Variants in ARPC1A observed in about 807,000 individuals in gnomAD.
ARPC1A encodes the protein actin related protein 2/3 complex subunit 1A.
In ARPC1A, 8 loss-of-function variants were observed where a neutral mutation model predicts 46.9. The ratio of observed to expected loss-of-function variants is 0.17; its 90% CI spans 0.10 to 0.31. The LOEUF is 0.31. ARPC1A is among the 10% of genes least tolerant of loss of function. ARPC1A has a pLI of 1.00. For synonymous variants in ARPC1A, 152 were observed against 169.0 expected, an observed-to-expected ratio of 0.90 and a Z score of 0.78; for missense variants, 286 against 483.6, an observed-to-expected ratio of 0.59 and a Z score of 3.83.
At position 99,344,521 on chromosome 7, in the gene ARPC1A, T is replaced by A; in HGVS notation, c.392+6T>A. On this transcript the variant is annotated splice_donor_region_variant and intron_variant, in intron 4 of 9. Coordinates refer to ENST00000262942, the MANE Select transcript of ARPC1A (RefSeq NM_006409.4). ...TTTGAGTCTGAAAATGACTGGTGAG[T>A]GACATCTGAATTTTTTCTATCCCTC... 1 of 1,613,638 alleles carries A rather than the reference T, an allele frequency of 6.2e-7. No homozygotes were observed. The highest frequency in any genetic ancestry group is 8.5e-7 in the Non-Finnish European group (1 of 1,179,624).
chr7:99,363,300 T>G (rs1354881723), intron 8 of ARPC1A, among the ~76,000 whole-genome samples: 4 of 152,138 alleles, frequency 2.6e-5, no homozygotes, highest in Non-Finnish European at 5.9e-5. Flanking sequence ...CATTTCCTGG[T>G]GGAGCGTGGT....
At chr7:99,349,093 C>T in intron 5 of ARPC1A, 134 bp downstream of exon 5, 1 of 859,986 alleles carries the variant, frequency 1.2e-6, no homozygotes, top group Non-Finnish European at 1.8e-6. Flanking sequence ...CACTCTCACC[C>T]AGGCTGGAGT....
In ARPC1A at chr7:99,349,311, C is replaced by T. The variant is rs1397648335; in HGVS notation, c.500+352C>T. Among the ~76,000 whole-genome samples, 3 of 152,198 alleles carry T rather than the reference C, an allele frequency of 2.0e-5. No homozygotes were observed. In the East Asian group the frequency reaches 5.9e-4, roughly 30 times the overall value. The stretch of plus-strand genomic sequence containing the variant: ...CTCCTGGCCTCAAGTGATCCTCCCT[C>T]CTTGGCCTCCTGAAGTGCTGGGATT... On this transcript the variant is annotated intron_variant, in intron 5 of 9. Transcript: ENST00000262942.
intron 7 of ARPC1A, among the ~76,000 whole-genome samples, chr7:99,359,215 C>G (rs1793695229): frequency 6.6e-6 from 1 of 151,298 alleles, no homozygotes; most frequent in South Asian, 2.1e-4. Context: ...GCGGGTGGTT[C>G]ACTTGAGGTC....
chr7:99,337,851 T>G (rs1793282293), intron 2 of ARPC1A, among the ~76,000 whole-genome samples: 1 of 152,174 alleles, frequency 6.6e-6, no homozygotes. Flanking sequence ...AATGAAACTG[T>G]CAAACATTTT....
At position 99,348,892 on chromosome 7, in the gene ARPC1A, G is replaced by A. The variant is rs139328388; in HGVS notation, c.433G>A (p.Val145Ile). The change falls in exon 5 of 10, where the codon GTC becomes ATC. Residue 145 changes from valine to isoleucine, a missense_variant. By Grantham distance (29) the Val-to-Ile change is conservative. Transcript: ENST00000262942. The stretch of plus-strand genomic sequence containing the variant: ...CATTAAAAAGCCGATTCGCTCCACA[G>A]TCCTCAGCTTGGATTGGCATCCCAA... Reference protein sequence around the residue: ...KHIKKPIRSTVLSLDWHPNNV... With the variant: ...KHIKKPIRSTILSLDWHPNNV... 11 of 1,614,120 alleles carry A rather than the reference G, an allele frequency of 6.8e-6. No homozygotes were observed. Among genetic ancestry groups the A allele is most frequent in the Non-Finnish European group, 9.3e-6 (11 of 1,180,012 alleles).
chr7:99,338,447 G>A lies in ARPC1A; in HGVS notation c.169+162G>A, dbSNP rs546783470. Among the ~76,000 whole-genome samples the A allele has an allele frequency of 9.2e-4, 130 of 141,578 alleles. 1 individual carries two copies. The highest frequency in any genetic ancestry group is 3.4e-3 in the African/African-American group (124 of 36,242). 92.9% of individuals were successfully genotyped at this position (141,578 alleles called of 152,430 possible). On this transcript the variant is annotated intron_variant, in intron 3 of 9. Coordinates refer to ENST00000262942, the MANE Select transcript of ARPC1A (RefSeq NM_006409.4). The stretch of plus-strand genomic sequence containing the variant: ...TTCGCCCAGGCTGGACTGCAATGGC[G>A]CAATCTCGGCTCACTGCAACCTCCA...
intron 2 of ARPC1A, among the ~76,000 whole-genome samples, chr7:99,335,681 G>A (rs994332488): frequency 6.6e-6 from 1 of 152,096 alleles, no homozygotes; most frequent in Non-Finnish European, 1.5e-5. Flanking sequence ...AGGGCTGGGC[G>A]TGGTGGCTCA....
intron 1 of ARPC1A, among the ~76,000 whole-genome samples, chr7:99,329,878 T>C (rs541171401): frequency 6.6e-6 from 1 of 152,348 alleles, no homozygotes; most frequent in East Asian, 1.9e-4. Context: ...CCGATTTTAT[T>C]TTTAGTTAAC....
At chr7:99,352,161 T>TGGAG (rs1193133048) in intron 5 of ARPC1A, among the ~76,000 whole-genome samples, 1 of 152,158 alleles carries the variant, frequency 6.6e-6, no homozygotes, top group Non-Finnish European at 1.5e-5. Context: ...GCAGGCTTCC[T>TGGAG]GGAGTACTGT....
chr7:99,356,900 AAAAAAAAGAAAG>A (rs1458008093), intron 6 of ARPC1A, among the ~76,000 whole-genome samples: 4 of 152,044 alleles, frequency 2.6e-5, no homozygotes, highest in Non-Finnish European at 5.9e-5. Context: ...ACTCCATCTC[AAAAAAAAGAAAG>A]AAAAAAAGAA....
chr7:99,353,112 G>T (rs867496355), intron 5 of ARPC1A, among the ~76,000 whole-genome samples: 260 of 107,468 alleles, frequency 2.4e-3, no homozygotes, highest in African/African-American at 3.6e-3. Flanking sequence ...GTTTAGTTTA[G>T]TTTATGTTAT....
chr7:99,340,962 A>C (rs1337705284), intron 3 of ARPC1A, among the ~76,000 whole-genome samples: 1 of 152,104 alleles, frequency 6.6e-6, no homozygotes, highest in African/African-American at 2.4e-5. Context: ...TATTTTCTTA[A>C]GTTCCTTTGC....
chr7:99,357,172 G>A (rs1027318955), intron 6 of ARPC1A, among the ~76,000 whole-genome samples: 19 of 151,888 alleles, frequency 1.3e-4, no homozygotes, highest in Admixed American at 1.3e-4. Context: ...GTCTACCCTC[G>A]TACTGACTTC....
intron 8 of ARPC1A, among the ~76,000 whole-genome samples, chr7:99,361,878 G>A (rs535442488): frequency 8.5e-5 from 13 of 152,340 alleles, no homozygotes; most frequent in African/African-American, 2.9e-4. Flanking sequence ...AGGCACAGAT[G>A]ATGTAAACAG....
intron 6 of ARPC1A, 41 bp downstream of exon 6, chr7:99,354,162 G>T: frequency 6.3e-7 from 1 of 1,595,572 alleles, no homozygotes; most frequent in South Asian, 1.1e-5. Context: ...GGAACAAGGG[G>T]TGGGATCTCT....
chr7:99,338,107 C>T, intron 2 of ARPC1A, 74 bp from the exon 3 acceptor site: 1 of 1,138,382 alleles, frequency 8.8e-7, no homozygotes, highest in Non-Finnish European at 1.3e-6. Flanking sequence ...GCTTTTAAAA[C>T]AACTGTGACA....
At chr7:99,339,929 G>A (rs151256972) in intron 3 of ARPC1A, 1 of 455,022 alleles carries the variant, frequency 2.2e-6, no homozygotes, top group Non-Finnish European at 4.4e-6. Flanking sequence ...TCCTGTATGA[G>A]AGTGCTCATT....
rs1394349177 is a variant in ARPC1A, at chr7:99,349,174, CA to C, written c.500+216del. ...CAAGCGATCCTCCAGCCTCAGCCTC[CA>C]GAGTAGTTGGGACTACAGGTATATG... On this transcript the variant is annotated intron_variant, in intron 5 of 9. Coordinates refer to ENST00000262942, the MANE Select transcript of ARPC1A (RefSeq NM_006409.4). Among the ~76,000 whole-genome samples, 3 of 152,234 alleles carry C rather than the reference CA, an allele frequency of 2.0e-5. No homozygotes were observed. The East Asian group carries it at 5.8e-4, about 29-fold the overall frequency.
Sources: allele counts gnomAD v4.1 joint callset (sites outside exome capture counted in the v4.1 genomes callset), GRCh38; gene constraint gnomAD v4.1.1; transcripts MANE v1.5; gene names NCBI Gene and HGNC (gene_info 2026-07-23, HGNC 2026-07-21).